Variants in EYS observed in about 807,000 individuals in gnomAD.
EYS encodes EGF-like photoreceptor maintenance factor, also known as protein eyes shut homolog.
Under a neutral mutation model 282.1 loss-of-function variants are expected in EYS, and 250 were observed. The ratio of observed to expected loss-of-function variants is 0.89; its 90% confidence interval spans 0.80 to 0.98. The LOEUF is 0.98. Ranked by LOEUF, EYS falls within the 50% of genes least tolerant of loss-of-function variation. The pLI is 0.00. For missense variants in EYS, 4,016 were observed against 3,709.0 expected (o/e 1.08, Z -2.15); for synonymous variants, 1,355 against 1,282.9 (o/e 1.06, Z -1.20).
At chr6:64,042,487 T>C (rs531747147) in intron 33 of EYS, among the ~76,000 whole-genome samples, 9 of 152,302 alleles carry the variant, frequency 5.9e-5, no homozygotes, top group African/African-American at 2.2e-4. Flanking sequence ...CTCATACAAA[T>C]AGGAAGTGCA....
At chr6:65,426,167 T>C (rs1237444099) in intron 5 of EYS, among the ~76,000 whole-genome samples, 1 of 151,886 alleles carries the variant, frequency 6.6e-6, no homozygotes, top group African/African-American at 2.4e-5. Flanking sequence ...TTTTTGGAGG[T>C]GGGTTCTTGC....
rs569962551 is a variant in EYS at position 63,784,723 on chromosome 6, C to G, written c.7723+3382G>C. ...AAACACCTCCCACTTGGCCCCTCCT[C>G]CAGCACTGGAGATCACAATTTGACA... On this transcript the variant is annotated intron_variant, in intron 39 of 42. Coordinates refer to ENST00000503581, the MANE Select transcript of EYS (RefSeq NM_001142800.2). Among the ~76,000 whole-genome samples the G allele has an allele frequency of 2.2e-3, 329 of 151,998 alleles. 1 individual carries two copies. Among genetic ancestry groups the G allele is most frequent in the Non-Finnish European group, 3.7e-3 (254 of 68,004 alleles).
chr6:65,620,974 T>C (rs1395099216), intron 2 of EYS, among the ~76,000 whole-genome samples: 1 of 152,176 alleles, frequency 6.6e-6, no homozygotes, highest in East Asian at 1.9e-4. Flanking sequence ...TACTTCCAAC[T>C]ATGTGGTCAA....
chr6:63,829,628 T>G (rs560593893), intron 36 of EYS, among the ~76,000 whole-genome samples: 1 of 152,298 alleles, frequency 6.6e-6, no homozygotes, highest in African/African-American at 2.4e-5. Flanking sequence ...TAGACTCCAC[T>G]TCTGGGGGCA....
chr6:65,045,507 G>A (rs1382412680), intron 13 of EYS, among the ~76,000 whole-genome samples: 1 of 151,796 alleles, frequency 6.6e-6, no homozygotes, highest in Non-Finnish European at 1.5e-5. Flanking sequence ...AATTTCTGAG[G>A]TGTATAAGAA....
At chr6:65,545,814 A>G (rs1438279950) in intron 2 of EYS, among the ~76,000 whole-genome samples, 3 of 152,158 alleles carry the variant, frequency 2.0e-5, no homozygotes, top group Admixed American at 1.3e-4. Flanking sequence ...CATGACTATT[A>G]TGGAAGATCC....
intron 28 of EYS, among the ~76,000 whole-genome samples, chr6:64,433,939 T>G (rs529193982): frequency 1.3e-5 from 2 of 152,018 alleles, no homozygotes; most frequent in Non-Finnish European, 2.9e-5. Context: ...GTCTCAGCTT[T>G]CAAATATGCA....
intron 11 of EYS, among the ~76,000 whole-genome samples, chr6:65,326,359 T>G: frequency 6.6e-6 from 1 of 151,532 alleles, no homozygotes; most frequent in East Asian, 1.9e-4. Flanking sequence ...TTTCTACCAT[T>G]GATTAGAAAT....
At chr6:65,177,910 T>A (rs962772192) in intron 12 of EYS, among the ~76,000 whole-genome samples, 1 of 151,994 alleles carries the variant, frequency 6.6e-6, no homozygotes, top group African/African-American at 2.4e-5. Context: ...GCATCATGTA[T>A]GAGAATGATT....
At chr6:65,230,494 T>C (rs1028204497) in intron 12 of EYS, among the ~76,000 whole-genome samples, 2 of 151,932 alleles carry the variant, frequency 1.3e-5, no homozygotes, top group African/African-American at 4.8e-5. Context: ...TACCTCTTTT[T>C]AACTTTAATA....
intron 14 of EYS, among the ~76,000 whole-genome samples, chr6:64,970,522 C>T (rs1342480377): frequency 6.6e-6 from 1 of 152,096 alleles, no homozygotes; most frequent in African/African-American, 2.4e-5. Context: ...ATAACCACCT[C>T]CTGTAGCTAT....
intron 37 of EYS, among the ~76,000 whole-genome samples, chr6:63,795,673 T>C (rs1770628090): frequency 6.6e-6 from 1 of 152,226 alleles, no homozygotes; most frequent in Admixed American, 6.5e-5. Context: ...CTAAAGGTTT[T>C]ACTATTTATA....
chr6:65,443,235 C>T (rs552704037), intron 5 of EYS, among the ~76,000 whole-genome samples: 4 of 151,336 alleles, frequency 2.6e-5, no homozygotes, highest in African/African-American at 9.7e-5. Context: ...TGTATGTGAA[C>T]ATATAGACAT....
rs1777931189 is a variant in EYS at position 64,526,735 on chromosome 6, A to G, written c.5644+63488T>C. 2.6e-5 allele frequency among the ~76,000 whole-genome samples: 4 copies of G among 151,966 alleles called. No homozygotes were observed. The South Asian group carries it at 8.3e-4, about 31-fold the overall frequency. On this transcript the variant is annotated intron_variant, in intron 26 of 42. Coordinates refer to ENST00000503581, the MANE Select transcript of EYS (RefSeq NM_001142800.2). ...GGCAATGGATATTATTGACATTTCT[A>G]TTCTTCTGTTTAGGTTTCTAAATCA... is the stretch of plus-strand genomic sequence containing the variant.
chr6:64,609,250 T>C (rs1269524911), intron 24 of EYS, among the ~76,000 whole-genome samples: 1 of 152,132 alleles, frequency 6.6e-6, no homozygotes, highest in Non-Finnish European at 1.5e-5. Flanking sequence ...CCTAAGCACA[T>C]GTTGTGGCAG....
At chr6:65,530,248 T>G (rs1257902334) in intron 2 of EYS, among the ~76,000 whole-genome samples, 1 of 152,164 alleles carries the variant, frequency 6.6e-6, no homozygotes, top group Admixed American at 6.5e-5. Context: ...TGGTGAAACT[T>G]CTAGAGAGAG....
At position 65,344,029 on chromosome 6, in the gene EYS, T is replaced by G. The variant is rs1359408400; in HGVS notation, c.1599+9A>C. 4 of 1,608,006 alleles carry G rather than the reference T, an allele frequency of 2.5e-6. No individual in the cohort carries two copies. The highest frequency in any genetic ancestry group is 3.4e-6 in the Non-Finnish European group (4 of 1,175,994). On this transcript the variant is annotated intron_variant, in intron 10 of 42. Coordinates refer to ENST00000503581, the MANE Select transcript of EYS (RefSeq NM_001142800.2). ...AAAAATGAAAAGCAACTACATAAAA[T>G]TACCTTACCTCTTTTGTGCCTTCAT... is the stretch of plus-strand genomic sequence containing the variant.
chr6:64,579,999 G>A (rs1218918275), intron 26 of EYS, among the ~76,000 whole-genome samples: 1 of 151,984 alleles, frequency 6.6e-6, no homozygotes, highest in Non-Finnish European at 1.5e-5. Flanking sequence ...TTCTTCCTTA[G>A]GAACCAGGCA....
chr6:65,415,438 G>A (rs1177473531), intron 5 of EYS, among the ~76,000 whole-genome samples: 1 of 152,046 alleles, frequency 6.6e-6, no homozygotes, highest in Non-Finnish European at 1.5e-5. Flanking sequence ...GTAGCAACTA[G>A]GGAGGTCTTA....
Sources: gnomAD v4.1 joint callset for allele counts (sites outside exome capture counted in the v4.1 genomes callset) on GRCh38, gnomAD v4.1.1 for gene constraint, MANE v1.5 for transcripts, NCBI Gene and HGNC (gene_info 2026-07-23, HGNC 2026-07-21) for gene names.